The following HECW2 variants were observed in gnomAD, a reference collection of about 807,000 sequenced individuals.
HECW2 encodes the protein E3 ubiquitin-protein ligase HECW2.
Under a neutral mutation model 175.2 loss-of-function variants are expected in HECW2, and 61 were observed. The ratio of observed to expected loss-of-function variants is 0.35; its 90% CI spans 0.28 to 0.43. HECW2 has a LOEUF of 0.43. Ranked by LOEUF, HECW2 falls within the 20% of genes least tolerant of loss-of-function variation. HECW2 has a pLI of 1.00. For missense variants in HECW2, 1,524 were observed against 2,000.5 expected, an observed-to-expected ratio of 0.76 and a Z score of 4.54; for synonymous variants, 671 against 731.0, an observed-to-expected ratio of 0.92 and a Z score of 1.32.
chr2:196,207,849 T>C (rs1163402722), intron 28 of HECW2, among the ~76,000 whole-genome samples: 1 of 152,228 alleles, frequency 6.6e-6, no homozygotes, highest in East Asian at 1.9e-4. Flanking sequence ...AAATACAAAG[T>C]GGAATATTCC....
chr2:196,526,299 T>G (rs1224743805), intron 1 of HECW2, among the ~76,000 whole-genome samples: 3 of 131,696 alleles, frequency 2.3e-5, no homozygotes, highest in East Asian at 2.1e-4. Context: ...ATTCTTCACG[T>G]AGTTCTCGAG....
intron 1 of HECW2, among the ~76,000 whole-genome samples, chr2:196,552,029 A>C (rs1222756641): frequency 6.6e-6 from 1 of 152,180 alleles, no homozygotes; most frequent in Admixed American, 6.5e-5. Flanking sequence ...ATCTGGGTTA[A>C]TTCAAACATT....
At chr2:196,469,213 G>A (rs1364519489) in intron 1 of HECW2, among the ~76,000 whole-genome samples, 4 of 151,588 alleles carry the variant, frequency 2.6e-5, no homozygotes, top group Non-Finnish European at 4.4e-5. Context: ...GAGCTGCCCC[G>A]CCTTAAATAA....
chr2:196,240,632 T>TA, intron 20 of HECW2, 70 bp from the exon 21 acceptor site: 1 of 1,339,764 alleles, frequency 7.5e-7, no homozygotes, highest in Non-Finnish European at 9.8e-7. Context: ...TACTTATCTT[T>TA]CTAGAACATT....
At chr2:196,495,068 C>A (rs1687342502) in intron 1 of HECW2, among the ~76,000 whole-genome samples, 1 of 150,098 alleles carries the variant, frequency 6.7e-6, no homozygotes, top group African/African-American at 2.5e-5. Context: ...TAACATATAT[C>A]ATTCTTTTTT....
At chr2:196,214,353 C>G (rs986799667) in intron 28 of HECW2, among the ~76,000 whole-genome samples, 5 of 152,234 alleles carry the variant, frequency 3.3e-5, no homozygotes, top group Non-Finnish European at 7.3e-5. Context: ...TATCTGCTTA[C>G]TGTTGCACTT....
At chr2:196,489,620 T>C (rs1445714030) in intron 1 of HECW2, among the ~76,000 whole-genome samples, 1 of 152,204 alleles carries the variant, frequency 6.6e-6, no homozygotes, top group Non-Finnish European at 1.5e-5. Context: ...TTCAAATACT[T>C]ACCCTTAACA....
chr2:196,450,460 C>T (rs951534808), intron 1 of HECW2, among the ~76,000 whole-genome samples: 1 of 151,846 alleles, frequency 6.6e-6, no homozygotes, highest in African/African-American at 2.4e-5. Flanking sequence ...TGATCATAAG[C>T]CACCTGTTAG....
intron 1 of HECW2, among the ~76,000 whole-genome samples, chr2:196,572,367 C>T (rs551296999): frequency 6.6e-6 from 1 of 151,828 alleles, no homozygotes; most frequent in African/African-American, 2.4e-5. Flanking sequence ...AATTTTTGTA[C>T]AGACGAAGTC....
intron 2 of HECW2, among the ~76,000 whole-genome samples, chr2:196,392,186 A>G (rs530718688): frequency 7.9e-5 from 12 of 152,174 alleles, no homozygotes; most frequent in Non-Finnish European, 1.8e-4. Context: ...AATAAATTAT[A>G]TTAAGATTGG....
At chr2:196,273,710 A>G (rs1689833421) in intron 16 of HECW2, among the ~76,000 whole-genome samples, 1 of 152,188 alleles carries the variant, frequency 6.6e-6, no homozygotes, top group South Asian at 2.1e-4. Flanking sequence ...TTCTTAATTT[A>G]TAATGATTGC....
chr2:196,328,835 C>T (rs1392959439), intron 5 of HECW2, among the ~76,000 whole-genome samples: 1 of 152,026 alleles, frequency 6.6e-6, no homozygotes, highest in Non-Finnish European at 1.5e-5. Context: ...AAAATCAGTG[C>T]CCTTCAAACT....
chr2:196,279,143 G>A (rs1690091514), intron 14 of HECW2, among the ~76,000 whole-genome samples: 1 of 152,072 alleles, frequency 6.6e-6, no homozygotes, highest in Admixed American at 6.5e-5. Flanking sequence ...CCACCTCCCA[G>A]GTTCATGCCA....
At position 196,401,452 on chromosome 2, in the gene HECW2, C is replaced by T. The variant is rs571741495; in HGVS notation, c.292+31680G>A. ...TATATATAATCCACCATTAACACTT[C>T]TTTCCTTTGGTGAAGAAAGGGAAAC... On this transcript the variant is annotated intron_variant, in intron 2 of 28. Coordinates refer to ENST00000644978, the MANE Select transcript of HECW2 (RefSeq NM_001348768.2). Among the ~76,000 whole-genome samples, 274 of 152,222 alleles carry T rather than the reference C, an allele frequency of 1.8e-3. 1 individual carries two copies. Among genetic ancestry groups the T allele is most frequent in the Middle Eastern group, 3.4e-3 (1 of 294 alleles).
intron 28 of HECW2, among the ~76,000 whole-genome samples, chr2:196,204,336 TTTTGTTTG>T (rs111323129): frequency 2.0e-5 from 3 of 151,918 alleles, no homozygotes; most frequent in African/African-American, 7.3e-5. Flanking sequence ...ATTTCTTGTT[TTTTGTTTG>T]TTTGTTTGTT....
At chr2:196,247,850 CA>C (rs1471910948) in intron 19 of HECW2, among the ~76,000 whole-genome samples, 4 of 152,164 alleles carry the variant, frequency 2.6e-5, no homozygotes, top group Admixed American at 6.5e-5. Context: ...CCGTATTGGA[CA>C]GGGGCTGGAT....
chr2:196,566,534 CT>C (rs397942390), intron 1 of HECW2, among the ~76,000 whole-genome samples: 221 of 139,444 alleles, frequency 1.6e-3, no homozygotes, highest in Non-Finnish European at 1.5e-3. Context: ...TTTTCTTTTT[CT>C]TTTTTTTTTT....
intron 6 of HECW2, among the ~76,000 whole-genome samples, chr2:196,323,366 T>A (rs927921614): frequency 6.6e-6 from 1 of 152,210 alleles, no homozygotes; most frequent in African/African-American, 2.4e-5. Context: ...TTTACAACGA[T>A]GTAACTTTCT....
chr2:196,566,509 T>C (rs1690193216), intron 1 of HECW2, among the ~76,000 whole-genome samples: 1 of 151,328 alleles, frequency 6.6e-6, no homozygotes, highest in African/African-American at 2.4e-5. Flanking sequence ...ATATTATATA[T>C]ACCAGAAACT....
Sources: gnomAD v4.1 joint callset for allele counts (sites outside exome capture counted in the v4.1 genomes callset) on GRCh38, gnomAD v4.1.1 for gene constraint, MANE v1.5 for transcripts, NCBI Gene and HGNC (gene_info 2026-07-23, HGNC 2026-07-21) for gene names.